The following SLC8A1 variants were observed in gnomAD, a reference collection of about 807,000 sequenced individuals.
The protein encoded by SLC8A1 is sodium/calcium exchanger 1.
Under a neutral mutation model 68.3 loss-of-function variants are expected in SLC8A1, and 18 were observed. The observed-to-expected ratio is 0.26, with a 90% CI of 0.18 to 0.39. The LOEUF is 0.39. Ranked by LOEUF, SLC8A1 falls within the 10% of genes least tolerant of loss-of-function variation. The pLI is 1.00. For missense variants in SLC8A1, 985 were observed against 1,156.7 expected (o/e 0.85, Z 2.15); for synonymous variants, 475 against 415.5 (o/e 1.14, Z -1.74).
At chr2:40,418,274 A>T (rs569889709) in intron 2 of SLC8A1, among the ~76,000 whole-genome samples, 1 of 152,134 alleles carries the variant, frequency 6.6e-6, no homozygotes, top group African/African-American at 2.4e-5. Context: ...TGTTTATTAC[A>T]TTACATTATA....
chr2:40,133,705 C>T (rs571340613), intron 7 of SLC8A1, among the ~76,000 whole-genome samples: 2 of 57,352 alleles, frequency 3.5e-5, no homozygotes, highest in African/African-American at 6.2e-5. Context: ...CAAAAATCCC[C>T]CCCCCCCACC....
At chr2:40,255,025 G>A (rs1032767212) in intron 2 of SLC8A1, 4 of 150,890 alleles carry the variant, frequency 2.7e-5, no homozygotes, top group Admixed American at 6.7e-5. Context: ...TTCCTTGACT[G>A]TCTTCATTCT....
chr2:40,236,616 G>A (rs1396085993), intron 2 of SLC8A1, among the ~76,000 whole-genome samples: 3 of 151,144 alleles, frequency 2.0e-5, no homozygotes, highest in East Asian at 1.9e-4. Flanking sequence ...AGTTAATATT[G>A]TTATGTGTGA....
chr2:40,407,751 G>C (rs916315797), intron 2 of SLC8A1, among the ~76,000 whole-genome samples: 3 of 152,162 alleles, frequency 2.0e-5, no homozygotes, highest in African/African-American at 7.2e-5. Flanking sequence ...TGAATATTCA[G>C]TGAATATATT....
chr2:40,291,091 G>C (rs2069221100), intron 2 of SLC8A1, among the ~76,000 whole-genome samples: 1 of 152,170 alleles, frequency 6.6e-6, no homozygotes, highest in African/African-American at 2.4e-5. Flanking sequence ...ACAAACTATA[G>C]TTTTATTTAT....
At chr2:40,508,998 G>C (rs1334393098) in intron 1 of SLC8A1, among the ~76,000 whole-genome samples, 7 of 152,034 alleles carry the variant, frequency 4.6e-5, no homozygotes, top group Non-Finnish European at 1.0e-4. Context: ...GCTCATATCA[G>C]GGAAATAAAT....
At chr2:40,238,011 T>G (rs1358806053) in intron 2 of SLC8A1, among the ~76,000 whole-genome samples, 2 of 152,196 alleles carry the variant, frequency 1.3e-5, no homozygotes, top group East Asian at 3.9e-4. Context: ...TCTTCAAAGC[T>G]GTCAGACAGG....
At chr2:40,432,803 G>A (rs920885549) in intron 1 of SLC8A1, among the ~76,000 whole-genome samples, 1 of 152,052 alleles carries the variant, frequency 6.6e-6, no homozygotes, top group Non-Finnish European at 1.5e-5. Flanking sequence ...CTCTCTGCTG[G>A]TTCAGTGCAG....
At chr2:40,398,265 T>G (rs1488707705) in intron 2 of SLC8A1, among the ~76,000 whole-genome samples, 1 of 152,208 alleles carries the variant, frequency 6.6e-6, no homozygotes, top group Non-Finnish European at 1.5e-5. Context: ...GGCCTCCAGT[T>G]TGGCTGGCTT....
chr2:40,346,788 A>G (rs1669484963), intron 2 of SLC8A1, among the ~76,000 whole-genome samples: 1 of 152,174 alleles, frequency 6.6e-6, no homozygotes, highest in South Asian at 2.1e-4. Flanking sequence ...GAAAGGGAAA[A>G]AAGTCTTGTA....
intron 2 of SLC8A1, among the ~76,000 whole-genome samples, chr2:40,389,662 T>A (rs567154504): frequency 6.6e-6 from 1 of 151,914 alleles, no homozygotes. Flanking sequence ...TTACTGCCTT[T>A]CCAATTCCCA....
chr2:40,209,803 C>T (rs1370422854), intron 2 of SLC8A1, among the ~76,000 whole-genome samples: 1 of 152,088 alleles, frequency 6.6e-6, no homozygotes, highest in African/African-American at 2.4e-5. Flanking sequence ...AGATCATCAG[C>T]TGACAGTAAG....
At chr2:40,398,447 A>C (rs1003880090) in intron 2 of SLC8A1, among the ~76,000 whole-genome samples, 1 of 152,274 alleles carries the variant, frequency 6.6e-6, no homozygotes, top group Non-Finnish European at 1.5e-5. Context: ...TAACTTAAAG[A>C]ATTACAATAG....
chr2:40,244,000 GGGGTCTA>G (rs1378057608), intron 2 of SLC8A1, among the ~76,000 whole-genome samples: 2 of 152,008 alleles, frequency 1.3e-5, no homozygotes, highest in African/African-American at 2.4e-5. Context: ...TAATTACTGA[GGGGTCTA>G]GGGTCTGGGG....
chr2:40,179,952 C>G (rs977456952), intron 2 of SLC8A1, among the ~76,000 whole-genome samples: 5 of 152,168 alleles, frequency 3.3e-5, no homozygotes, highest in African/African-American at 1.2e-4. Flanking sequence ...AACGTACTCT[C>G]TGTTCCTCAG....
chr2:40,429,642 A>G, exon 2 of SLC8A1: 1 of 1,613,760 alleles, frequency 6.2e-7, no homozygotes, highest in Non-Finnish European at 8.5e-7. Flanking sequence ...AGGTGTAGGC[A>G]AAGATGCTCC....
At chr2:40,304,125 T>C (rs1012711781) in intron 2 of SLC8A1, among the ~76,000 whole-genome samples, 1 of 152,188 alleles carries the variant, frequency 6.6e-6, no homozygotes, top group African/African-American at 2.4e-5. Flanking sequence ...TAAACTTTAA[T>C]AATGTGATAA....
chr2:40,168,815 G>C (rs1327447776), intron 4 of SLC8A1, among the ~76,000 whole-genome samples: 2 of 152,168 alleles, frequency 1.3e-5, no homozygotes, highest in Non-Finnish European at 2.9e-5. Flanking sequence ...CTCCTCCTGA[G>C]TGCACATGCA....
At chr2:40,143,240 T>C (rs1488607180) in intron 6 of SLC8A1, among the ~76,000 whole-genome samples, 1 of 152,176 alleles carries the variant, frequency 6.6e-6, no homozygotes, top group Non-Finnish European at 1.5e-5. Flanking sequence ...CAAAGAAATA[T>C]CATGTTCATC....
Sources: allele counts gnomAD v4.1 joint callset (sites outside exome capture counted in the v4.1 genomes callset), GRCh38; gene constraint gnomAD v4.1.1; transcripts MANE v1.5; gene names NCBI Gene and HGNC (gene_info 2026-07-23, HGNC 2026-07-21).